RTBDN: variants seen among roughly 807,000 people sequenced by gnomAD.
RTBDN encodes retbindin.
In RTBDN, 24 loss-of-function variants were observed where a neutral mutation model predicts 21.9. That is an observed-to-expected ratio of 1.10 (90% CI 0.79 to 1.54). The LOEUF (loss-of-function observed/expected upper bound fraction) is 1.54. Among genes scored for constraint, RTBDN ranks in the 40% most tolerant of loss-of-function variants. The pLI is 0.00. For missense variants in RTBDN, 325 were observed against 315.2 expected (o/e 1.03, Z -0.23); for synonymous variants, 141 against 125.9 (o/e 1.12, Z -0.80).
upstream of RTBDN, chr19:12,834,798 A>T (rs773947326): frequency 5.0e-6 from 8 of 1,613,998 alleles, no homozygotes; most frequent in Non-Finnish European, 6.8e-6. This position sits in a 1 kb window ranked among gnomAD's most constrained non-coding sequence, Gnocchi z 4.7. Context: ...CAAGGTGGGG[A>T]GGGATTCTGT....
chr19:12,828,431 G>A (rs1159085225), intron 4 of RTBDN, among the ~76,000 whole-genome samples: 1 of 143,256 alleles, frequency 7.0e-6, no homozygotes, highest in Non-Finnish European at 1.5e-5. Flanking sequence ...AAAAGAAATC[G>A]CAGGGCTATG....
rs781570616 is a variant in RTBDN at position 12,825,905 on chromosome 19, C to A, written c.491G>T (p.Arg164Leu). 2 of 1,604,198 alleles carry A rather than the reference C, an allele frequency of 1.2e-6. No individual in the cohort carries two copies. The highest frequency in any genetic ancestry group is 1.7e-5 in the Admixed American group (1 of 58,674). ...CGGTAGGGCGTGGCCCAGAGCCGAG[C>A]GACAAAGGTCCGTCCCGTCTGCGAA... ...QTFADGTDLC[R>L]SALGHALPVA... Residue 164 changes from arginine to leucine, a missense_variant, in exon 6 of 6, where the codon CGC becomes CTC. By Grantham distance (102) the Arg-to-Leu change is moderately radical. Transcript: ENST00000674343.
chr19:12,831,495 A>G (rs993918264), intron 1 of RTBDN, among the ~76,000 whole-genome samples: 1 of 152,220 alleles, frequency 6.6e-6, no homozygotes, highest in Admixed American at 6.5e-5. Context: ...GTTTGAGCCC[A>G]GGAGTTTGAA....
chr19:12,829,046 C>T (rs1435856852), intron 2 of RTBDN, 93 bp from the exon 3 acceptor site: 2 of 1,550,552 alleles, frequency 1.3e-6, no homozygotes, highest in South Asian at 1.2e-5. Flanking sequence ...GGGGAGACAA[C>T]AATTACATCA....
In RTBDN at chr19:12,830,900, C is replaced by T. The variant is rs1969547624; in HGVS notation, c.-18-903G>A. 6.9e-6 allele frequency among the ~76,000 whole-genome samples: 1 copy of T among 145,664 alleles called. No homozygotes were observed. Among genetic ancestry groups the T allele is most frequent in the East Asian group, 2.0e-4 (1 of 4,902 alleles). On this transcript the variant is annotated intron_variant, in intron 1 of 5. Coordinates refer to ENST00000674343, the MANE Select transcript of RTBDN (RefSeq NM_001270441.2). The surrounding 1 kb of genome is among the most constrained non-coding windows in gnomAD (Gnocchi z 4.2). ...AAGGTGTGTTTGTGTGGCCTATAGC[C>T]TGTGTGTGTTCCCAGGCACCTGTGT...
At chr19:12,829,336 G>A (rs868092485) in intron 2 of RTBDN, among the ~76,000 whole-genome samples, 1 of 151,954 alleles carries the variant, frequency 6.6e-6, no homozygotes, top group Non-Finnish European at 1.5e-5. Flanking sequence ...CAAGTAGCTG[G>A]GATTTCAGGC....
At chr19:12,826,323 G>A (rs1969295388) in intron 5 of RTBDN, 1 of 1,223,728 alleles carries the variant, frequency 8.2e-7, no homozygotes, top group Admixed American at 3.9e-5. Flanking sequence ...CCCAGTAGGA[G>A]GTTGGGCTAG....
At chr19:12,828,590 A>G (rs1599554119) in intron 4 of RTBDN, 67 bp downstream of exon 4, 1 of 1,266,044 alleles carries the variant, frequency 7.9e-7, no homozygotes, top group East Asian at 2.4e-5. Flanking sequence ...AGGCCAAGCA[A>G]ACTGCAGGCT....
At position 12,828,951 on chromosome 19, in the gene RTBDN, G is replaced by A. The variant is rs762986356; in HGVS notation, c.172C>T (p.Pro58Ser). The change falls in exon 3 of 6, where the codon CCT becomes TCT. Residue 58 changes from proline to serine, a missense_variant and splice_region_variant. By Grantham distance (74) the Pro-to-Ser change is moderately conservative. Transcript: ENST00000674343. ...GTGTCCATCTCTGAGGGACAACAAG[G>A]TCCTGGCAAAGGGGAACCCTGTGAG... ...LGKGKLHLAG[P>S]CCPSEMDTTE... is the part of the protein sequence containing the mutation. 2.8e-5 allele frequency: 45 copies of A among 1,614,006 alleles called. No individual in the cohort carries two copies. Among genetic ancestry groups the A allele is most frequent in the Middle Eastern group, 1.6e-4 (1 of 6,080 alleles).
intron 1 of RTBDN, chr19:12,833,838 C>T: frequency 3.0e-6 from 1 of 328,954 alleles, no homozygotes; most frequent in Non-Finnish European, 5.5e-6. Flanking sequence ...GCCCCCGCCA[C>T]CCCTCCCCTC....
intron 4 of RTBDN, among the ~76,000 whole-genome samples, chr19:12,828,120 G>A (rs982794014): frequency 1.3e-5 from 2 of 149,928 alleles, no homozygotes; most frequent in African/African-American, 4.9e-5. Flanking sequence ...AAAAAAGGCC[G>A]GGCACGGTGG....
upstream of RTBDN, chr19:12,834,713 G>A: frequency 1.3e-6 from 2 of 1,563,448 alleles, no homozygotes; most frequent in Non-Finnish European, 1.8e-6. This position sits in a 1 kb window ranked among gnomAD's most constrained non-coding sequence, Gnocchi z 4.7. Flanking sequence ...TCCACTGCAC[G>A]GAGTGGGACA....
chr19:12,835,369 T>C (rs910238266), upstream of RTBDN: 1 of 492,484 alleles, frequency 2.0e-6, no homozygotes, highest in Middle Eastern at 5.5e-4. Flanking sequence ...GGGAGGCAGC[T>C]GCGGCAAAGT....
In RTBDN at chr19:12,828,749, T is replaced by A. The variant is rs1273971533; in HGVS notation, c.273A>T (p.Glu91Asp). Residue 91 changes from glutamate (E) to aspartate (D), a missense_variant, in exon 4 of 6, where the codon GAA (glutamate) becomes GAT (aspartate). Coordinates refer to ENST00000674343, the MANE Select transcript of RTBDN (RefSeq NM_001270441.2). The part of the protein sequence containing the change: ...VPSPECESFL[E>D]HLQRALRSRF... ...GACTGCGAAGGGCACGTTGGAGGTG[T>A]TCCAGGAAGGATTCGCATCTGGACG... is the stretch of plus-strand genomic sequence containing the variant. 6.2e-7 allele frequency: 1 copy of A among 1,614,184 alleles called. No homozygotes were observed. Among genetic ancestry groups the A allele is most frequent in the African/African-American group, 1.3e-5 (1 of 75,042 alleles).
In RTBDN at chr19:12,825,956, C is replaced by CCCT. The variant is rs895238167; in HGVS notation, c.463-26_463-24dup. 3 of 1,544,394 alleles carry CCCT rather than the reference C, an allele frequency of 1.9e-6. No homozygotes were observed. In the African/African-American group the frequency reaches 4.1e-5, roughly 21 times the overall value. On this transcript the variant is annotated intron_variant, in intron 5 of 5. Coordinates refer to ENST00000674343, the MANE Select transcript of RTBDN (RefSeq NM_001270441.2). ...GGTCTAGGAAAAAGTGGAGTTAAGG[C>CCCT]CCTAGTGGGCGGAGTCCAGAGACGT...
chr19:12,828,643 C>T lies in RTBDN; in HGVS notation c.365+14G>A. The T allele has an allele frequency of 6.2e-7, 1 of 1,600,690 alleles. No individual in the cohort carries two copies. Among genetic ancestry groups the T allele is most frequent in the Non-Finnish European group, 8.5e-7 (1 of 1,171,144 alleles). On this transcript the variant is annotated intron_variant, in intron 4 of 5. Coordinates refer to ENST00000674343, the MANE Select transcript of RTBDN (RefSeq NM_001270441.2). ...CAAGTCACAACCCACGCCCCTTGCC[C>T]CCGCGTCTCCTACCAGGCCTGGCAG...
chr19:12,834,006 G>A lies in RTBDN; in HGVS notation c.-19+483C>T. The A allele has an allele frequency of 2.5e-6, 1 of 398,472 alleles. No homozygotes were observed. The highest frequency in any genetic ancestry group is 3.6e-5 in the East Asian group (1 of 28,032). The allele number at this position is 398,472 out of a possible 1,614,324, so 24.7% of individuals were successfully genotyped here. On this transcript the variant is annotated intron_variant, in intron 1 of 5. Transcript: ENST00000674343. The surrounding 1 kb of genome is among the most constrained non-coding windows in gnomAD (Gnocchi z 4.7). ...GCCTCATCCGCCGCCGGAGGCTGCAGGTACGCGGCTGCCTGGGCCCCGGGT... is the reference window on the plus strand; with the variant it reads ...GCCTCATCCGCCGCCGGAGGCTGCAAGTACGCGGCTGCCTGGGCCCCGGGT...
intron 5 of RTBDN, chr19:12,826,219 C>T (rs1216468485): frequency 2.7e-5 from 35 of 1,319,140 alleles, no homozygotes; most frequent in Non-Finnish European, 3.3e-5. Context: ...CTTCTGGGTC[C>T]TCCAGGGTAA....
chr19:12,834,092 A>T lies in RTBDN; in HGVS notation c.-19+397T>A. On this transcript the variant is annotated intron_variant, in intron 1 of 5. Coordinates refer to ENST00000674343, the MANE Select transcript of RTBDN (RefSeq NM_001270441.2). This position sits in a 1 kb window ranked among gnomAD's most constrained non-coding sequence, Gnocchi z 4.7. ...GGCAGGAGGCGGGAGAACTTGCACT[A>T]GGGTCAGCCGGGACGCCCCCACCCA... The T allele has an allele frequency of 2.5e-6, 1 of 398,214 alleles. No homozygotes were observed. Among genetic ancestry groups the T allele is most frequent in the Non-Finnish European group, 4.4e-6 (1 of 225,816 alleles). 24.7% of individuals were successfully genotyped at this position (398,214 alleles called of 1,614,324 possible).
Sources: allele counts gnomAD v4.1 joint callset (sites outside exome capture counted in the v4.1 genomes callset), GRCh38; gene constraint gnomAD v4.1.1; non-coding constraint Gnocchi (gnomAD v3.1); transcripts MANE v1.5; gene names NCBI Gene and HGNC (gene_info 2026-07-23, HGNC 2026-07-21).